Variants in DHRS7C observed in about 807,000 individuals in gnomAD.
The protein encoded by DHRS7C is dehydrogenase/reductase SDR family member 7C.
A neutral mutation model predicts 29.6 loss-of-function variants in DHRS7C; 28 were observed. The observed-to-expected ratio is 0.95, with a 90% confidence interval of 0.70 to 1.30. The LOEUF is 1.30. DHRS7C is among the 50% of genes most tolerant of loss of function. The pLI is 0.00. For missense variants in DHRS7C, 403 were observed against 393.3 expected, an observed-to-expected ratio of 1.02 and a Z score of -0.21; for synonymous variants, 158 against 160.2, an observed-to-expected ratio of 0.99 and a Z score of 0.10.
rs965701868 is a variant in DHRS7C at position 9,772,679 on chromosome 17, G to A, written c.727+88C>T. 7 of 1,485,166 alleles carry A rather than the reference G, an allele frequency of 4.7e-6. No individual in the cohort carries two copies. In the East Asian group the frequency reaches 1.1e-4, roughly 24 times the overall value. 92.0% of individuals were successfully genotyped at this position (1,485,166 alleles called of 1,614,324 possible). A position where few individuals can be genotyped will look rare whatever the true frequency, so the allele number is the denominator to read the frequency against. ...CCATCCCCAGACTCATGTTTCAGGA[G>A]TACCCATCTGAAGGTCATTCATCCC... On this transcript the variant is annotated intron_variant, in intron 5 of 5. Coordinates refer to ENST00000571134, the MANE Select transcript of DHRS7C (RefSeq NM_001105571.3).
chr17:9,776,871 C>T (rs1057248465), intron 4 of DHRS7C, among the ~76,000 whole-genome samples: 8 of 152,270 alleles, frequency 5.3e-5, no homozygotes, highest in Admixed American at 6.5e-5. Context: ...ATTGGAGCTA[C>T]GACTGTGCAT....
At chr17:9,779,728 A>G in intron 3 of DHRS7C, 97 bp downstream of exon 3, 1 of 1,271,088 alleles carries the variant, frequency 7.9e-7, no homozygotes. Flanking sequence ...GGACTGGGGA[A>G]TTCCATATAG....
At chr17:9,782,273 T>C (rs1175636331) in intron 1 of DHRS7C, among the ~76,000 whole-genome samples, 2 of 152,234 alleles carry the variant, frequency 1.3e-5, no homozygotes, top group African/African-American at 2.4e-5. Flanking sequence ...CATTTAATAC[T>C]CACAATAACC....
At position 9,771,490 on chromosome 17, in the gene DHRS7C, AC is replaced by A; in HGVS notation, c.933del (p.Ter312AsnfsTer?). 1 of 1,510,156 alleles carries A rather than the reference AC, an allele frequency of 6.6e-7. No individual in the cohort carries two copies. Among genetic ancestry groups the A allele is most frequent in the Non-Finnish European group, 8.9e-7 (1 of 1,125,068 alleles). 93.5% of individuals were successfully genotyped at this position (1,510,156 alleles called of 1,614,324 possible). ...GTGGCCCATTTGGCCTCCTGCAGTT[AC>A]CCCTCCTCCGGGACATTGAGCTTCT... ...VKEKLNVPEE[G>X] is the part of the protein sequence containing the mutation. On this transcript the variant is annotated frameshift_variant, in exon 6 of 6. Coordinates refer to ENST00000571134, the MANE Select transcript of DHRS7C (RefSeq NM_001105571.3). LOFTEE classifies it high-confidence loss of function.
At chr17:9,789,715 C>A (rs750907471) in intron 1 of DHRS7C, among the ~76,000 whole-genome samples, 1 of 152,180 alleles carries the variant, frequency 6.6e-6, no homozygotes, top group African/African-American at 2.4e-5. Context: ...CAATGCCAGA[C>A]AAAGGTGCGC....
chr17:9,777,886 A>G (rs2066371273), intron 3 of DHRS7C, among the ~76,000 whole-genome samples: 2 of 152,150 alleles, frequency 1.3e-5, no homozygotes. Flanking sequence ...GTTGTCCTTT[A>G]TTTACTGAGA....
At chr17:9,772,648 C>T in intron 5 of DHRS7C, 119 bp downstream of exon 5, 2 of 1,338,636 alleles carry the variant, frequency 1.5e-6, no homozygotes, top group South Asian at 1.5e-5. Context: ...TGAGCCTCCT[C>T]CACCCCCATC....
chr17:9,789,638 A>G (rs148545480), intron 1 of DHRS7C, among the ~76,000 whole-genome samples: 3 of 152,146 alleles, frequency 2.0e-5, no homozygotes, highest in Non-Finnish European at 4.4e-5. Context: ...AGGAAGGAGC[A>G]ATTAAGGTGT....
In DHRS7C at chr17:9,772,963, C is replaced by A; in HGVS notation, c.572-41G>T. 1.9e-6 allele frequency: 3 copies of A among 1,604,830 alleles called. No individual in the cohort carries two copies. In the South Asian group the frequency reaches 3.3e-5, roughly 18 times the overall value. On this transcript the variant is annotated intron_variant, in intron 4 of 5. Coordinates refer to ENST00000571134, the MANE Select transcript of DHRS7C (RefSeq NM_001105571.3). The stretch of plus-strand genomic sequence containing the variant: ...TCCGGAGGTGGGCGCAGGACACTCC[C>A]GGCCCTGCTTCCTGGTGGGCGCATT...
chr17:9,780,096 G>T, intron 2 of DHRS7C, 61 bp from the exon 3 acceptor site: 1 of 1,486,554 alleles, frequency 6.7e-7, no homozygotes, highest in South Asian at 1.3e-5. Flanking sequence ...GCAGACCTTG[G>T]GAGCCCTCGA....
intron 1 of DHRS7C, among the ~76,000 whole-genome samples, chr17:9,789,252 G>A (rs2066441320): frequency 6.6e-6 from 1 of 152,132 alleles, no homozygotes; most frequent in African/African-American, 2.4e-5. Flanking sequence ...CCCATATCGA[G>A]ATAGGTCATA....
At chr17:9,789,647 G>A (rs531814738) in intron 1 of DHRS7C, among the ~76,000 whole-genome samples, 1 of 152,280 alleles carries the variant, frequency 6.6e-6, no homozygotes, top group South Asian at 2.1e-4. Flanking sequence ...CAATTAAGGT[G>A]TCAGGACAGG....
At chr17:9,788,943 A>G (rs1379402942) in intron 1 of DHRS7C, among the ~76,000 whole-genome samples, 1 of 152,234 alleles carries the variant, frequency 6.6e-6, no homozygotes, top group Non-Finnish European at 1.5e-5. Flanking sequence ...GAACAGTGAC[A>G]GTAGACACGA....
At chr17:9,772,242 T>C (rs2066333891) in intron 5 of DHRS7C, among the ~76,000 whole-genome samples, 1 of 152,150 alleles carries the variant, frequency 6.6e-6, no homozygotes, top group Admixed American at 6.5e-5. Flanking sequence ...CCCTAAGAGA[T>C]AGGTATTGCT....
rs1320486098 is a variant in DHRS7C at position 9,771,650 on chromosome 17, C to T, written c.774G>A (p.Ala258=). The T allele has an allele frequency of 1.9e-6, 3 of 1,586,594 alleles. No homozygotes were observed. The highest frequency in any genetic ancestry group is 1.1e-5 in the South Asian group (1 of 87,306). ...TCCGCACGGTGCGCATCACCTCCTCCGCCACCTCTACTGGGTGCACGCCGT... is the reference window on the plus strand; with the variant it reads ...TCCGCACGGTGCGCATCACCTCCTCTGCCACCTCTACTGGGTGCACGCCGT... ...LTYGVHPVEV[A]EEVMRTVRRK... Residue 258 remains alanine, a synonymous_variant, in exon 6 of 6, where the codon GCG becomes GCA. Transcript: ENST00000571134.
rs1281423705 is a variant in DHRS7C at position 9,775,338 on chromosome 17, C to T, written c.571+1855G>A. Among the ~76,000 whole-genome samples the T allele has an allele frequency of 2.0e-5, 3 of 152,216 alleles. No homozygotes were observed. Among genetic ancestry groups the T allele is most frequent in the Non-Finnish European group, 4.4e-5 (3 of 68,030 alleles). ...TCACTCTGCCCTTCTTCCTGGGCCCCCAGGTGGACTGCACTTCCCAGCGTC... is the reference window on the plus strand; with the variant it reads ...TCACTCTGCCCTTCTTCCTGGGCCCTCAGGTGGACTGCACTTCCCAGCGTC... On this transcript the variant is annotated intron_variant, in intron 4 of 5. Coordinates refer to ENST00000571134, the MANE Select transcript of DHRS7C (RefSeq NM_001105571.3). The surrounding 1 kb of genome is among the most constrained non-coding windows in gnomAD (Gnocchi z 4.2).
Position 9,779,986 on chromosome 17 carries a change from A to T in DHRS7C, c.317T>A (p.Val106Asp). 2 of 1,613,942 alleles carry T rather than the reference A, an allele frequency of 1.2e-6. No individual in the cohort carries two copies. Among genetic ancestry groups the T allele is most frequent in the Non-Finnish European group, 1.7e-6 (2 of 1,179,866 alleles). Residue 106 changes from valine (V) to aspartate (D), a missense_variant, in exon 3 of 6, where the codon GTC becomes GAC. Val to Asp is a radical substitution (Grantham distance 152). Coordinates refer to ENST00000571134, the MANE Select transcript of DHRS7C (RefSeq NM_001105571.3). ...CAGGACTTCTTTTGCCACATCTGGGACACAGCTGATGTCTGAGAGGTCCAA... is the reference window on the plus strand; with the variant it reads ...CAGGACTTCTTTTGCCACATCTGGGTCACAGCTGATGTCTGAGAGGTCCAA... ...VLLDLSDISC[V>D]PDVAKEVLDC... is the part of the protein sequence containing the mutation.
chr17:9,784,610 G>A (rs1167734050), intron 1 of DHRS7C, among the ~76,000 whole-genome samples: 2 of 152,228 alleles, frequency 1.3e-5, no homozygotes, highest in Admixed American at 6.5e-5. Flanking sequence ...AATTTGATAT[G>A]TGAAGAACTC....
chr17:9,776,670 C>T (rs1224142376), intron 4 of DHRS7C, among the ~76,000 whole-genome samples: 2 of 152,126 alleles, frequency 1.3e-5, no homozygotes, highest in Non-Finnish European at 2.9e-5. Flanking sequence ...AGTCCTTCTC[C>T]CCCTTGAACT....
Sources: allele counts gnomAD v4.1 joint callset (sites outside exome capture counted in the v4.1 genomes callset), GRCh38; gene constraint gnomAD v4.1.1; non-coding constraint Gnocchi (gnomAD v3.1); transcripts MANE v1.5; gene names NCBI Gene and HGNC (gene_info 2026-07-23, HGNC 2026-07-21).